The following RCOR1 variants were observed in gnomAD, a reference collection of about 807,000 sequenced individuals.
RCOR1 encodes the protein REST corepressor.
A neutral mutation model predicts 64.0 loss-of-function variants in RCOR1; 12 were observed. That is an observed-to-expected ratio of 0.19 (90% CI 0.12 to 0.30). The LOEUF is 0.30. Among genes scored for constraint, RCOR1 ranks in the 10% least tolerant of loss-of-function variants. RCOR1 has a pLI of 1.00. For synonymous variants in RCOR1, 279 were observed against 227.2 expected (o/e 1.23, Z -2.05); for missense variants, 502 against 621.2 (o/e 0.81, Z 2.04).
chr14:102,720,999 CT>C lies in RCOR1; in HGVS notation c.1054-6del. The C allele has an allele frequency of 7.1e-7, 1 of 1,407,262 alleles. No individual in the cohort carries two copies. The highest frequency in any genetic ancestry group is 9.7e-7 in the Non-Finnish European group (1 of 1,034,518). The allele number at this position is 1,407,262 out of a possible 1,614,324, so 87.2% of individuals were successfully genotyped here. On this transcript the variant is annotated splice_polypyrimidine_tract_variant and splice_region_variant and intron_variant, in intron 8 of 11. Coordinates refer to ENST00000262241, the MANE Select transcript of RCOR1 (RefSeq NM_015156.4). The stretch of plus-strand genomic sequence containing the variant: ...TTTTTAAAATGAAAATTATTTTTTC[CT>C]TCCTAGATCCAGAATATTAAACAGA...
At chr14:102,625,231 C>CTTTTTT (rs61403856) in intron 2 of RCOR1, among the ~76,000 whole-genome samples, 7 of 79,190 alleles carry the variant, frequency 8.8e-5, no homozygotes, top group East Asian at 3.8e-4. Flanking sequence ...TATCTTGTTA[C>CTTTTTT]TTTTTTTTTT....
chr14:102,703,086 T>C (rs117807178), intron 4 of RCOR1, among the ~76,000 whole-genome samples: 1 of 152,104 alleles, frequency 6.6e-6, no homozygotes, highest in East Asian at 1.9e-4. Flanking sequence ...AAATGAAAAA[T>C]TCACTAGACG....
chr14:102,662,120 T>G (rs1894836942), intron 2 of RCOR1: 1 of 356,186 alleles, frequency 2.8e-6, no homozygotes, highest in African/African-American at 2.1e-5. Context: ...CATTTGCATG[T>G]TGTACTTCAT....
At chr14:102,612,425 C>CTGCTCTTAAGCG (rs1567407443) in intron 2 of RCOR1, among the ~76,000 whole-genome samples, 1 of 151,876 alleles carries the variant, frequency 6.6e-6, no homozygotes, top group Non-Finnish European at 1.5e-5. Flanking sequence ...TCTTGAACTC[C>CTGCTCTTAAGCG]TGCTCTTAAG....
chr14:102,720,996 T>C lies in RCOR1; in HGVS notation c.1054-11T>C, dbSNP rs1449815728. The stretch of plus-strand genomic sequence containing the variant: ...TTATTTTTAAAATGAAAATTATTTT[T>C]TCCTTCCTAGATCCAGAATATTAAA... On this transcript the variant is annotated splice_polypyrimidine_tract_variant and intron_variant, in intron 8 of 11. Transcript: ENST00000262241. The C allele has an allele frequency of 1.4e-6, 2 of 1,407,676 alleles. No individual in the cohort carries two copies. Among genetic ancestry groups the C allele is most frequent in the Non-Finnish European group, 1.9e-6 (2 of 1,027,840 alleles). The allele number at this position is 1,407,676 out of a possible 1,614,324, so 87.2% of individuals were successfully genotyped here. A position where few individuals can be genotyped will look rare whatever the true frequency, so the allele number is the denominator to read the frequency against.
intron 2 of RCOR1, chr14:102,662,334 G>T (rs902269190): frequency 1.8e-5 from 10 of 566,222 alleles, no homozygotes; most frequent in Non-Finnish European, 2.7e-5. Context: ...CCGAATCAGG[G>T]TGTTGACCGG....
chr14:102,695,452 C>G (rs1351350055), intron 3 of RCOR1: 1 of 152,232 alleles, frequency 6.6e-6, no homozygotes, highest in Non-Finnish European at 1.5e-5. Context: ...ACTCCTTGTT[C>G]TTCTCTCTTC....
chr14:102,615,486 T>C (rs1162791459), intron 2 of RCOR1, among the ~76,000 whole-genome samples: 3 of 149,164 alleles, frequency 2.0e-5, no homozygotes, highest in Admixed American at 2.0e-4. Context: ...TTCGCTCTTG[T>C]CGCTCAGGCT....
intron 3 of RCOR1, among the ~76,000 whole-genome samples, chr14:102,698,363 G>T (rs1895687053): frequency 6.6e-6 from 1 of 152,208 alleles, no homozygotes; most frequent in African/African-American, 2.4e-5. Context: ...ACTAGCCCCT[G>T]TGCTGGGCCA....
intron 3 of RCOR1, among the ~76,000 whole-genome samples, chr14:102,700,418 C>T (rs963509076): frequency 7.2e-5 from 11 of 152,116 alleles, no homozygotes; most frequent in Admixed American, 1.3e-4. Context: ...GATGGGGTTT[C>T]GCCATGTTGG....
At chr14:102,684,712 T>C (rs1239653381) in intron 3 of RCOR1, among the ~76,000 whole-genome samples, 1 of 151,716 alleles carries the variant, frequency 6.6e-6, no homozygotes, top group East Asian at 1.9e-4. Flanking sequence ...CATTTTGGGG[T>C]ATTTCTTCCA....
At chr14:102,707,636 T>C (rs1404885052) in intron 5 of RCOR1, 124 bp downstream of exon 5, 1 of 849,400 alleles carries the variant, frequency 1.2e-6, no homozygotes, top group Non-Finnish European at 1.8e-6. Context: ...AGTTCCCCTT[T>C]AGATTCAGCT....
chr14:102,639,831 TATTCATTCATTC>T lies in RCOR1; in HGVS notation c.362-42041_362-42030del, dbSNP rs34567389. On this transcript the variant is annotated intron_variant, in intron 2 of 11. Transcript: ENST00000262241. ...TACAGGTGTGACACTGAGCTCAGCC[TATTCATTCATTC>T]ATTCATTCATTCATTCATTCATGAG... Among the ~76,000 whole-genome samples the T allele has an allele frequency of 4.7e-3, 687 of 147,404 alleles. 5 individuals carry two copies. Among genetic ancestry groups the T allele is most frequent in the African/African-American group, 0.015 (590 of 39,728 alleles).
intron 3 of RCOR1, among the ~76,000 whole-genome samples, chr14:102,682,629 T>G (rs1205409501): frequency 6.6e-6 from 1 of 152,244 alleles, no homozygotes. Flanking sequence ...ATGGTTTTTT[T>G]GGGGATCTCT....
chr14:102,721,138 A>G (rs1896161554), intron 9 of RCOR1, 54 bp downstream of exon 9: 1 of 1,183,860 alleles, frequency 8.4e-7, no homozygotes, highest in Non-Finnish European at 1.2e-6. Context: ...TACATGTTTA[A>G]GAATTTAATA....
At chr14:102,634,503 A>G (rs976958788) in intron 2 of RCOR1, among the ~76,000 whole-genome samples, 15 of 152,118 alleles carry the variant, frequency 9.9e-5, no homozygotes, top group African/African-American at 3.1e-4. Context: ...GGTTCCCACT[A>G]TCTAGGGACA....
intron 2 of RCOR1, among the ~76,000 whole-genome samples, chr14:102,668,076 C>G (rs544462517): frequency 3.3e-5 from 5 of 152,088 alleles, no homozygotes; most frequent in Non-Finnish European, 7.4e-5. Context: ...ACCCAGGGAA[C>G]ACTGATGTTT....
intron 2 of RCOR1, among the ~76,000 whole-genome samples, chr14:102,673,958 A>G (rs1302325695): frequency 1.3e-5 from 2 of 152,216 alleles, no homozygotes; most frequent in East Asian, 1.9e-4. Context: ...TTTGTCCTAT[A>G]GACGATTCTG....
chr14:102,612,189 A>C (rs966950693), intron 2 of RCOR1, among the ~76,000 whole-genome samples: 2 of 151,654 alleles, frequency 1.3e-5, no homozygotes, highest in African/African-American at 4.9e-5. Flanking sequence ...ATGTCACTCT[A>C]CCTTGACTGG....
Sources: allele counts gnomAD v4.1 joint callset (sites outside exome capture counted in the v4.1 genomes callset), GRCh38; gene constraint gnomAD v4.1.1; transcripts MANE v1.5; gene names NCBI Gene and HGNC (gene_info 2026-07-23, HGNC 2026-07-21).